KCNQ3: variants seen among roughly 807,000 people sequenced by gnomAD.
KCNQ3 encodes potassium voltage-gated channel subfamily Q member 3, also known as potassium voltage-gated channel subfamily KQT member 3.
Under a neutral mutation model 92.5 loss-of-function variants are expected in KCNQ3, and 30 were observed. The ratio of observed to expected loss-of-function variants is 0.32; its 90% CI spans 0.24 to 0.44. The LOEUF is 0.44. Among genes scored for constraint, KCNQ3 ranks in the 20% least tolerant of loss-of-function variants. The probability of loss-of-function intolerance (pLI) is 1.00; values close to 1 mark genes in which losing one functional copy is unlikely to be tolerated. For synonymous variants in KCNQ3, 450 were observed against 468.8 expected, an observed-to-expected ratio of 0.96 and a Z score of 0.52; for missense variants, 913 against 1,140.3, an observed-to-expected ratio of 0.80 and a Z score of 2.87.
At position 132,268,074 on chromosome 8, in the gene KCNQ3, T is replaced by C. The variant is rs147327593; in HGVS notation, c.387-81893A>G. ...TAGATATATTGATCTAAAAATCCTATGTCCTCTGCCTATTCATCCCTCCAT... is the reference window on the plus strand; with the variant it reads ...TAGATATATTGATCTAAAAATCCTACGTCCTCTGCCTATTCATCCCTCCAT... On this transcript the variant is annotated intron_variant, in intron 1 of 14. Transcript: ENST00000388996. 6.4e-3 allele frequency among the ~76,000 whole-genome samples: 974 copies of C among 152,278 alleles called. 24 individuals carry two copies. Among genetic ancestry groups the C allele is most frequent in the Admixed American group, 0.042 (642 of 15,284 alleles).
intron 1 of KCNQ3, among the ~76,000 whole-genome samples, chr8:132,232,342 A>C (rs1457658790): frequency 6.6e-6 from 1 of 152,194 alleles, no homozygotes; most frequent in Non-Finnish European, 1.5e-5. Flanking sequence ...CTGATGCTGT[A>C]GGTTGTTGGA....
intron 1 of KCNQ3, among the ~76,000 whole-genome samples, chr8:132,444,515 G>A (rs759257225): frequency 7.9e-5 from 12 of 152,198 alleles, no homozygotes; most frequent in Admixed American, 2.0e-4. Flanking sequence ...AGCTGGGACT[G>A]AACTTAGGAA....
At chr8:132,187,039 C>G (rs1462770785) in intron 1 of KCNQ3, among the ~76,000 whole-genome samples, 3 of 151,192 alleles carry the variant, frequency 2.0e-5, no homozygotes, top group East Asian at 3.9e-4. Flanking sequence ...ATGGTTCTCC[C>G]TCTTGGTGGA....
At chr8:132,298,844 G>T (rs1458237330) in intron 1 of KCNQ3, among the ~76,000 whole-genome samples, 1 of 152,124 alleles carries the variant, frequency 6.6e-6, no homozygotes, top group East Asian at 1.9e-4. Context: ...GGAGGTGGAG[G>T]TTGCAGTGAG....
At chr8:132,188,963 A>C (rs1294543764) in intron 1 of KCNQ3, among the ~76,000 whole-genome samples, 1 of 152,216 alleles carries the variant, frequency 6.6e-6, no homozygotes, top group Non-Finnish European at 1.5e-5. Flanking sequence ...CAACATGTAC[A>C]CGTGCAGGAG....
At chr8:132,239,651 T>G (rs1814924308) in intron 1 of KCNQ3, among the ~76,000 whole-genome samples, 1 of 152,160 alleles carries the variant, frequency 6.6e-6, no homozygotes, top group East Asian at 1.9e-4. Flanking sequence ...CAGTGAAATG[T>G]GACATTTAAG....
intron 1 of KCNQ3, among the ~76,000 whole-genome samples, chr8:132,195,883 A>C (rs1373363226): frequency 6.6e-6 from 1 of 152,212 alleles, no homozygotes; most frequent in Non-Finnish European, 1.5e-5. Context: ...ATTAGACTTT[A>C]AAATGGACTT....
chr8:132,168,717 A>ATGTGTGTGTGTGTGTGTGTG (rs568659056), intron 8 of KCNQ3, among the ~76,000 whole-genome samples: 1 of 108,464 alleles, frequency 9.2e-6, no homozygotes, highest in Admixed American at 9.5e-5. Context: ...GATAATGAAT[A>ATGTGTGTGTGTGTGTGTGTG]TGTGTGTGTG....
intron 1 of KCNQ3, among the ~76,000 whole-genome samples, chr8:132,264,235 C>T (rs1815899599): frequency 6.6e-6 from 1 of 152,212 alleles, no homozygotes; most frequent in South Asian, 2.1e-4. Flanking sequence ...CTGCATGACA[C>T]ACTTAGTTCC....
rs956654727 is a variant in KCNQ3, at chr8:132,124,554, A to C, written c.*4708T>G. On this transcript the variant is annotated 3_prime_UTR_variant, in exon 15 of 15. Coordinates refer to ENST00000388996, the MANE Select transcript of KCNQ3 (RefSeq NM_004519.4). ...CCATTACTGGCTTCTAAAACCACTA[A>C]AGCTATGCAGATAGCCTGGTCCTAA... 6.6e-6 allele frequency: 1 copy of C among 152,196 alleles called. No individual in the cohort carries two copies. Among genetic ancestry groups the C allele is most frequent in the African/African-American group, 2.4e-5 (1 of 41,458 alleles). The allele number at this position is 152,196 out of a possible 1,614,324, so 9.4% of individuals were successfully genotyped here.
At chr8:132,232,963 G>A (rs750716316) in intron 1 of KCNQ3, among the ~76,000 whole-genome samples, 1 of 152,200 alleles carries the variant, frequency 6.6e-6, no homozygotes, top group Non-Finnish European at 1.5e-5. Flanking sequence ...TAAGGTGAGA[G>A]GAAAGCTAAG....
chr8:132,428,413 T>C (rs1423680510), intron 1 of KCNQ3, among the ~76,000 whole-genome samples: 1 of 152,196 alleles, frequency 6.6e-6, no homozygotes, highest in Non-Finnish European at 1.5e-5. Flanking sequence ...AAAAACATTA[T>C]TACCATAATT....
At chr8:132,246,427 T>C (rs1815183680) in intron 1 of KCNQ3, among the ~76,000 whole-genome samples, 1 of 152,254 alleles carries the variant, frequency 6.6e-6, no homozygotes, top group Admixed American at 6.5e-5. Context: ...GCATCCCATC[T>C]TCAGGGTATT....
At chr8:132,155,966 A>G (rs1276729689) in intron 9 of KCNQ3, among the ~76,000 whole-genome samples, 1 of 152,156 alleles carries the variant, frequency 6.6e-6, no homozygotes, top group Non-Finnish European at 1.5e-5. Context: ...TTGCAAAATT[A>G]GTTCTGCTGA....
chr8:132,404,466 G>A (rs1253799750), intron 1 of KCNQ3, among the ~76,000 whole-genome samples: 1 of 152,176 alleles, frequency 6.6e-6, no homozygotes, highest in Non-Finnish European at 1.5e-5. Flanking sequence ...ATCAGGGTGG[G>A]TCTAATTCAA....
chr8:132,170,455 A>G (rs371231270), intron 7 of KCNQ3, 27 bp from the exon 8 acceptor site: 5 of 1,460,000 alleles, frequency 3.4e-6, no homozygotes, highest in African/African-American at 1.4e-5. Context: ...AGGGGCAACA[A>G]TGAGTGGGCA....
chr8:132,187,855 A>ATAGTGATGGTGG (rs60036560), intron 1 of KCNQ3, among the ~76,000 whole-genome samples: 3 of 69,824 alleles, frequency 4.3e-5, no homozygotes, highest in Non-Finnish European at 2.9e-5. Context: ...GGTGGTAGTG[A>ATAGTGATGGTGG]TGGTGGTGGT....
In KCNQ3 at chr8:132,317,013, A is replaced by G. The variant is rs531839285; in HGVS notation, c.387-130832T>C. 2.1e-4 allele frequency among the ~76,000 whole-genome samples: 32 copies of G among 152,366 alleles called. 1 individual carries two copies. The highest frequency in any genetic ancestry group is 3.4e-3 in the Middle Eastern group (1 of 294). The stretch of plus-strand genomic sequence containing the variant: ...AGGACAATTTACACATCTGTCCTCC[A>G]ATTCTGTTTGCTTACATTTACAATA... On this transcript the variant is annotated intron_variant, in intron 1 of 14. Transcript: ENST00000388996.
intron 1 of KCNQ3, among the ~76,000 whole-genome samples, chr8:132,448,502 GAAAAAA>G: frequency 4.3e-5 from 4 of 93,850 alleles, no homozygotes; most frequent in East Asian, 3.3e-4. Context: ...GGAGAAATAT[GAAAAAA>G]AAAAAAAAAA....
Sources: gnomAD v4.1 joint callset for allele counts (sites outside exome capture counted in the v4.1 genomes callset) on GRCh38, gnomAD v4.1.1 for gene constraint, MANE v1.5 for transcripts, NCBI Gene and HGNC (gene_info 2026-07-23, HGNC 2026-07-21) for gene names.